The following ATXN10 variants were observed in gnomAD, a reference collection of about 807,000 sequenced individuals.
The protein encoded by ATXN10 is ataxin 10.
A neutral mutation model predicts 52.9 loss-of-function variants in ATXN10; 28 were observed. That is an observed-to-expected ratio of 0.53 (90% CI 0.39 to 0.73). The LOEUF (loss-of-function observed/expected upper bound fraction) is 0.73. Among genes scored for constraint, ATXN10 ranks in the 30% least tolerant of loss-of-function variants. ATXN10 has a pLI of 0.00. For synonymous variants in ATXN10, 226 were observed against 221.5 expected (o/e 1.02, Z -0.18); for missense variants, 565 against 577.0 (o/e 0.98, Z 0.21).
rs757219685 is a variant in ATXN10 at position 45,843,029 on chromosome 22, AC to A, written c.1278del (p.Glu427LysfsTer9). 6.2e-7 allele frequency: 1 copy of A among 1,614,194 alleles called. No homozygotes were observed. Among genetic ancestry groups the A allele is most frequent in the South Asian group, 1.1e-5 (1 of 91,088 alleles). On this transcript the variant is annotated frameshift_variant, in exon 11 of 12. Transcript: ENST00000252934. LOFTEE classifies it high-confidence loss of function. This position sits in a 1 kb window ranked among gnomAD's most constrained non-coding sequence, Gnocchi z 4.5. Reference sequence around the variant, plus strand: ...GGTGATATATGCCATCCGAAACCTTACCGAAGACAACAGCCAAAACCAAGAT... The same window carrying A: ...GGTGATATATGCCATCCGAAACCTTACGAAGACAACAGCCAAAACCAAGAT... ...QWVIYAIRNL[T>X]EDNSQNQDLI...
At chr22:45,749,893 T>G (rs1164291542) in intron 9 of ATXN10, among the ~76,000 whole-genome samples, 1 of 152,020 alleles carries the variant, frequency 6.6e-6, no homozygotes, top group African/African-American at 2.4e-5. Flanking sequence ...AGGTTCATGT[T>G]GAGGGCTACA....
intron 9 of ATXN10, among the ~76,000 whole-genome samples, chr22:45,782,863 A>C (rs1375735516): frequency 6.6e-6 from 1 of 152,222 alleles, no homozygotes; most frequent in Non-Finnish European, 1.5e-5. Flanking sequence ...AACCCTATGT[A>C]TGTGAGGTTT....
intron 10 of ATXN10, among the ~76,000 whole-genome samples, chr22:45,814,745 C>G (rs529815904): frequency 2.0e-5 from 3 of 152,136 alleles, no homozygotes; most frequent in East Asian, 3.8e-4. Flanking sequence ...GCTCCGTCTC[C>G]GGTGAGATCA....
chr22:45,833,486 A>G lies in ATXN10; in HGVS notation c.1238-9505A>G, dbSNP rs1929059576. On this transcript the variant is annotated intron_variant, in intron 10 of 11. Coordinates refer to ENST00000252934, the MANE Select transcript of ATXN10 (RefSeq NM_013236.4). This position sits in a 1 kb window ranked among gnomAD's most constrained non-coding sequence, Gnocchi z 4.3. The stretch of plus-strand genomic sequence containing the variant: ...ATTTAATCCTTTCTAACTTAGAACT[A>G]TTTTTGATCCTTGGCTGTACTTCAT... 6.6e-6 allele frequency among the ~76,000 whole-genome samples: 1 copy of G among 152,206 alleles called. No individual in the cohort carries two copies.
Position 45,683,810 on chromosome 22 carries a change from C to A in ATXN10, c.117-5902C>A, listed in dbSNP as rs764027619. On this transcript the variant is annotated intron_variant, in intron 1 of 11. Transcript: ENST00000252934. This position sits in a 1 kb window ranked among gnomAD's most constrained non-coding sequence, Gnocchi z 4.8. ...CTCTTCGAGCACAGTCCATCTTCCC[C>A]AGGTCTTTAATGCTATTGATAGATG... Among the ~76,000 whole-genome samples, 21 of 152,186 alleles carry A rather than the reference C, an allele frequency of 1.4e-4. No individual in the cohort carries two copies. Among genetic ancestry groups the A allele is most frequent in the African/African-American group, 4.8e-4 (20 of 41,440 alleles).
rs1017807864 is a variant in ATXN10, at chr22:45,784,876, C to T, written c.1174-22083C>T. Among the ~76,000 whole-genome samples, 6 of 152,196 alleles carry T rather than the reference C, an allele frequency of 3.9e-5. No homozygotes were observed. Among genetic ancestry groups the T allele is most frequent in the African/African-American group, 1.4e-4 (6 of 41,452 alleles). ...TGGCAAGGAGCTTATCATAATACAA[C>T]AAGCAATTGAGATTCTGTCCATGAG... On this transcript the variant is annotated intron_variant, in intron 9 of 11. Coordinates refer to ENST00000252934, the MANE Select transcript of ATXN10 (RefSeq NM_013236.4). The surrounding 1 kb of genome is among the most constrained non-coding windows in gnomAD (Gnocchi z 4.2).
intron 5 of ATXN10, among the ~76,000 whole-genome samples, chr22:45,714,676 C>T (rs935968450): frequency 6.6e-6 from 1 of 152,134 alleles, no homozygotes; most frequent in Admixed American, 6.5e-5. Context: ...GCCACTGTGT[C>T]CAGCCATATG....
rs1409258567 is a variant in ATXN10, at chr22:45,842,364, G to A, written c.1238-627G>A. ...TGCCAGGTGAACACTTGGGCACAGT[G>A]AGCCCCGATGCTTTCAGGAGCCTGA... On this transcript the variant is annotated intron_variant, in intron 10 of 11. Coordinates refer to ENST00000252934, the MANE Select transcript of ATXN10 (RefSeq NM_013236.4). This position sits in a 1 kb window ranked among gnomAD's most constrained non-coding sequence, Gnocchi z 4.8. Among the ~76,000 whole-genome samples, 1 of 152,182 alleles carries A rather than the reference G, an allele frequency of 6.6e-6. No homozygotes were observed. The highest frequency in any genetic ancestry group is 2.4e-5 in the African/African-American group (1 of 41,450).
intron 7 of ATXN10, among the ~76,000 whole-genome samples, chr22:45,735,755 ATCT>A (rs945616983): frequency 1.4e-4 from 20 of 141,174 alleles, no homozygotes; most frequent in African/African-American, 5.1e-4. Flanking sequence ...CAGGAGACTA[ATCT>A]TTTTTTTTTT....
rs922398453 is a variant in ATXN10 at position 45,754,957 on chromosome 22, C to T, written c.1173+14419C>T. Among the ~76,000 whole-genome samples, 1 of 152,232 alleles carries T rather than the reference C, an allele frequency of 6.6e-6. No individual in the cohort carries two copies. Among genetic ancestry groups the T allele is most frequent in the African/African-American group, 2.4e-5 (1 of 41,456 alleles). On this transcript the variant is annotated intron_variant, in intron 9 of 11. Transcript: ENST00000252934. This position sits in a 1 kb window ranked among gnomAD's most constrained non-coding sequence, Gnocchi z 5.4. ...CATGAGGTCCATGCCTGTTCCTTCT[C>T]TGCCTGTGAGCTGCGAGACCGTCCC...
In ATXN10 at chr22:45,672,199, G is replaced by A. The variant is rs1269546938; in HGVS notation, c.116+20G>A. The stretch of plus-strand genomic sequence containing the variant: ...GAACCGGTAACGGGTCCGGCCGGGG[G>A]GCTGCCCCGGGCAGGGGAGGGCGGC... On this transcript the variant is annotated intron_variant, in intron 1 of 11. Transcript: ENST00000252934. The A allele has an allele frequency of 4.0e-6, 6 of 1,515,024 alleles. No homozygotes were observed. The Admixed American group carries it at 8.1e-5, about 20-fold the overall frequency. The allele number at this position is 1,515,024 out of a possible 1,614,324, so 93.8% of individuals were successfully genotyped here.
intron 10 of ATXN10, chr22:45,811,822 G>A (rs1424341308): frequency 1.1e-5 from 5 of 469,134 alleles, no homozygotes; most frequent in Middle Eastern, 3.2e-4. Context: ...TTCATTCAGT[G>A]TCATGATCTT....
intron 10 of ATXN10, among the ~76,000 whole-genome samples, chr22:45,807,523 G>C (rs1467426995): frequency 6.6e-6 from 1 of 152,186 alleles, no homozygotes; most frequent in East Asian, 1.9e-4. Flanking sequence ...CTCATCTTCG[G>C]AGGGTTTGTC....
At position 45,840,821 on chromosome 22, in the gene ATXN10, A is replaced by G. The variant is rs1018193308; in HGVS notation, c.1238-2170A>G. Reference sequence around the variant, plus strand: ...TTTAAGTGAATAACCAGGACGTTTCAGAAAGGAGTGTTATGCTTCTTTCAT... The same window carrying G: ...TTTAAGTGAATAACCAGGACGTTTCGGAAAGGAGTGTTATGCTTCTTTCAT... On this transcript the variant is annotated intron_variant, in intron 10 of 11. Transcript: ENST00000252934. This position sits in a 1 kb window ranked among gnomAD's most constrained non-coding sequence, Gnocchi z 5.8. Among the ~76,000 whole-genome samples, 2 of 152,356 alleles carry G rather than the reference A, an allele frequency of 1.3e-5. No homozygotes were observed. The highest frequency in any genetic ancestry group is 3.9e-4 in the East Asian group (2 of 5,192).
At chr22:45,809,940 T>C (rs1928226901) in intron 10 of ATXN10, among the ~76,000 whole-genome samples, 1 of 152,196 alleles carries the variant, frequency 6.6e-6, no homozygotes, top group African/African-American at 2.4e-5. Context: ...AATTCATCTC[T>C]TTTCCTTTAT....
At chr22:45,735,779 A>G (rs1042564238) in intron 7 of ATXN10, among the ~76,000 whole-genome samples, 1 of 150,374 alleles carries the variant, frequency 6.7e-6, no homozygotes, top group Non-Finnish European at 1.5e-5. Flanking sequence ...GCTCACTTCA[A>G]AATCTTTCAC....
intron 1 of ATXN10, chr22:45,674,828 TCATAGA>T: frequency 6.6e-6 from 1 of 152,346 alleles, no homozygotes; most frequent in Middle Eastern, 3.4e-3. Context: ...ATTTGAAGAA[TCATAGA>T]CATAATGTAG....
At chr22:45,697,157 C>T (rs1191845072) in intron 3 of ATXN10, among the ~76,000 whole-genome samples, 1 of 151,722 alleles carries the variant, frequency 6.6e-6, no homozygotes, top group Non-Finnish European at 1.5e-5. Flanking sequence ...TTTTTTGAGA[C>T]GGAGTTTGCT....
In ATXN10 at chr22:45,772,344, A is replaced by G. The variant is rs902691067; in HGVS notation, c.1173+31806A>G. 2.6e-5 allele frequency among the ~76,000 whole-genome samples: 4 copies of G among 152,112 alleles called. No individual in the cohort carries two copies. Among genetic ancestry groups the G allele is most frequent in the African/African-American group, 9.7e-5 (4 of 41,414 alleles). Reference sequence around the variant, plus strand: ...TTAAAAAGACTATCCTTTTTTGTTCATTGAATTGCTTTTGCACCTTTGTCA... The same window carrying G: ...TTAAAAAGACTATCCTTTTTTGTTCGTTGAATTGCTTTTGCACCTTTGTCA... On this transcript the variant is annotated intron_variant, in intron 9 of 11. Coordinates refer to ENST00000252934, the MANE Select transcript of ATXN10 (RefSeq NM_013236.4). This position sits in a 1 kb window ranked among gnomAD's most constrained non-coding sequence, Gnocchi z 4.1.
Sources: gnomAD v4.1 joint callset for allele counts (sites outside exome capture counted in the v4.1 genomes callset) on GRCh38, gnomAD v4.1.1 for gene constraint, Gnocchi (gnomAD v3.1) non-coding constraint, MANE v1.5 for transcripts, NCBI Gene and HGNC (gene_info 2026-07-23, HGNC 2026-07-21) for gene names.